The following AOPEP variants were observed in gnomAD, a reference collection of about 807,000 sequenced individuals.
The protein encoded by AOPEP is aminopeptidase O.
In AOPEP, 77 loss-of-function variants were observed where a neutral mutation model predicts 98.1. The ratio of observed to expected loss-of-function variants is 0.78; its 90% CI spans 0.65 to 0.95. AOPEP has a LOEUF of 0.95. AOPEP is among the 40% of genes least tolerant of loss of function. The probability of loss-of-function intolerance (pLI) is 0.00; values close to 1 mark genes in which losing one functional copy is unlikely to be tolerated. For synonymous variants in AOPEP, 346 were observed against 365.3 expected, an observed-to-expected ratio of 0.95 and a Z score of 0.60; for missense variants, 1,024 against 1,024.7, an observed-to-expected ratio of 1.00 and a Z score of 0.01.
At chr9:94,955,409 C>CA in intron 8 of AOPEP, 130 bp downstream of exon 8, 1 of 617,538 alleles carries the variant, frequency 1.6e-6, no homozygotes, top group Non-Finnish European at 2.8e-6. Context: ...GGCCAGATAT[C>CA]TGAGCGTTCA....
chr9:94,956,376 G>A (rs544713755), intron 9 of AOPEP, among the ~76,000 whole-genome samples: 19 of 152,282 alleles, frequency 1.2e-4, no homozygotes, highest in Admixed American at 2.6e-4. Context: ...AAACAGATCT[G>A]CATCCAGGCT....
At chr9:94,729,082 TAG>T (rs1829926142) in intron 1 of AOPEP, among the ~76,000 whole-genome samples, 1 of 152,192 alleles carries the variant, frequency 6.6e-6, no homozygotes, top group Admixed American at 6.5e-5. Flanking sequence ...TATGAATATC[TAG>T]AGTCAGATAT....
the AOPEP span, among the ~76,000 whole-genome samples, chr9:95,149,408 A>G: frequency 6.6e-6 from 1 of 152,188 alleles, no homozygotes; most frequent in African/African-American, 2.4e-5. Flanking sequence ...CTATGTAACA[A>G]ACCTTCACAT....
chr9:95,054,521 G>A (rs962414589), intron 13 of AOPEP, among the ~76,000 whole-genome samples: 6 of 152,152 alleles, frequency 3.9e-5, no homozygotes, highest in African/African-American at 1.2e-4. Context: ...ATAATAGCAC[G>A]GGAACATTTG....
intron 9 of AOPEP, among the ~76,000 whole-genome samples, chr9:94,957,279 C>A (rs1182724155): frequency 6.6e-6 from 1 of 152,190 alleles, no homozygotes; most frequent in East Asian, 1.9e-4. Context: ...GCGATCGCGG[C>A]TCACTGCAAC....
In AOPEP at chr9:94,773,023, A is replaced by T. The variant is rs1282882886; in HGVS notation, c.819A>T (p.Gly273=). ...QSGRPCVYTV[G]SPINNRALFP... Reference sequence around the variant, plus strand: ...GCAGGCCATGTGTTTATACTGTGGGATCTCCCATAAACAACAGGGCCCTTT... The same window carrying T: ...GCAGGCCATGTGTTTATACTGTGGGTTCTCCCATAAACAACAGGGCCCTTT... The change falls in exon 3 of 17, where the codon GGA becomes GGT. Residue 273 remains glycine (G), a synonymous_variant. Coordinates refer to ENST00000375315, the MANE Select transcript of AOPEP (RefSeq NM_001193329.3). 6.2e-7 allele frequency: 1 copy of T among 1,612,886 alleles called. No individual in the cohort carries two copies. The highest frequency in any genetic ancestry group is 1.3e-5 in the African/African-American group (1 of 74,850).
chr9:94,898,940 A>G (rs2049979130), intron 5 of AOPEP, among the ~76,000 whole-genome samples: 1 of 151,964 alleles, frequency 6.6e-6, no homozygotes, highest in Non-Finnish European at 1.5e-5. Context: ...GAGCCTGGGC[A>G]CTGTCTCAAA....
intron 5 of AOPEP, among the ~76,000 whole-genome samples, chr9:94,910,956 C>T (rs1479485899): frequency 6.6e-6 from 1 of 152,086 alleles, no homozygotes; most frequent in African/African-American, 2.4e-5. Context: ...TGGGGTTTTG[C>T]CTAGGGTTTA....
At chr9:94,965,506 TAGA>T (rs1230879728) in intron 9 of AOPEP, among the ~76,000 whole-genome samples, 32 of 152,248 alleles carry the variant, frequency 2.1e-4, no homozygotes, top group East Asian at 3.8e-4. Flanking sequence ...TGTGTGATGA[TAGA>T]AGAAGAACAC....
chr9:95,108,828 C>T, the AOPEP span, among the ~76,000 whole-genome samples: 1 of 152,050 alleles, frequency 6.6e-6, no homozygotes, highest in East Asian at 1.9e-4. Context: ...ACACATAATG[C>T]CTTGTATCTT....
intron 13 of AOPEP, among the ~76,000 whole-genome samples, chr9:95,011,868 A>C (rs1172611188): frequency 1.3e-5 from 2 of 152,212 alleles, no homozygotes. Context: ...ATTTCTGTGT[A>C]CAAAATTCCT....
chr9:94,913,659 C>T (rs546400819), intron 5 of AOPEP, among the ~76,000 whole-genome samples: 7 of 152,112 alleles, frequency 4.6e-5, no homozygotes, highest in East Asian at 1.9e-4. Context: ...GGTCTCTGAC[C>T]GGATAAAGAT....
chr9:94,966,178 C>T (rs1477850912), intron 9 of AOPEP, among the ~76,000 whole-genome samples: 83 of 116,766 alleles, frequency 7.1e-4, no homozygotes, highest in Admixed American at 8.0e-4. Context: ...GAGTCTTGTG[C>T]AGAGTCTGTA....
chr9:94,996,050 G>T (rs1263592097), intron 11 of AOPEP, among the ~76,000 whole-genome samples: 1 of 152,168 alleles, frequency 6.6e-6, no homozygotes, highest in African/African-American at 2.4e-5. Flanking sequence ...AACACAGGGA[G>T]GGGAGGACAG....
At chr9:94,833,230 C>G (rs1032573172) in intron 5 of AOPEP, among the ~76,000 whole-genome samples, 4 of 117,550 alleles carry the variant, frequency 3.4e-5, no homozygotes, top group African/African-American at 1.3e-4. Flanking sequence ...GCCACCACAC[C>G]CGTCCTTTTT....
At chr9:95,111,340 T>C in the AOPEP span, 7 of 1,597,966 alleles carry the variant, frequency 4.4e-6, no homozygotes, top group African/African-American at 6.7e-5. Flanking sequence ...CCATGACATA[T>C]GCCATCTGTG....
intron 5 of AOPEP, among the ~76,000 whole-genome samples, chr9:94,841,136 C>G (rs764732976): frequency 8.6e-5 from 13 of 151,442 alleles, no homozygotes; most frequent in Non-Finnish European, 1.5e-4. Context: ...ACATAAATCT[C>G]CTTTAAGCAC....
chr9:94,835,898 C>T (rs7031172), intron 5 of AOPEP, among the ~76,000 whole-genome samples: 129,675 of 152,146 alleles, frequency 0.85, 55,469 homozygotes, highest in Non-Finnish European at 0.89. Flanking sequence ...ATTCTTCTAC[C>T]GCTCTTTGTT....
At chr9:94,884,996 G>A (rs1318633386) in intron 5 of AOPEP, among the ~76,000 whole-genome samples, 1 of 131,898 alleles carries the variant, frequency 7.6e-6, no homozygotes, top group African/African-American at 2.9e-5. Flanking sequence ...GCGACAGAGC[G>A]AGACTCCGTC....
Sources: gnomAD v4.1 joint callset for allele counts (sites outside exome capture counted in the v4.1 genomes callset) on GRCh38, gnomAD v4.1.1 for gene constraint, MANE v1.5 for transcripts, NCBI Gene and HGNC (gene_info 2026-07-23, HGNC 2026-07-21) for gene names.